Variants in GABRG1 observed in about 807,000 individuals in gnomAD.
The protein encoded by GABRG1 is gamma-aminobutyric acid receptor subunit gamma-1.
Under a neutral mutation model 49.8 loss-of-function variants are expected in GABRG1, and 49 were observed. The ratio of observed to expected loss-of-function variants is 0.98; its 90% CI spans 0.78 to 1.25. The LOEUF (loss-of-function observed/expected upper bound fraction) is 1.25. Among genes scored for constraint, GABRG1 ranks in the 50% most tolerant of loss-of-function variants. The pLI is 0.00. For missense variants in GABRG1, 552 were observed against 552.3 expected (o/e 1.00, Z 0.01); for synonymous variants, 232 against 185.1 (o/e 1.25, Z -2.06).
At chr4:46,068,424 C>A (rs1718995120) in intron 3 of GABRG1, among the ~76,000 whole-genome samples, 1 of 152,106 alleles carries the variant, frequency 6.6e-6, no homozygotes, top group African/African-American at 2.4e-5. Flanking sequence ...GCTGTCAATA[C>A]TGCTTAGCAG....
At chr4:46,084,750 A>G (rs927700858) in intron 2 of GABRG1, among the ~76,000 whole-genome samples, 1 of 151,688 alleles carries the variant, frequency 6.6e-6, no homozygotes, top group African/African-American at 2.4e-5. Flanking sequence ...AGACCTACAC[A>G]ATACTTGAAA....
At chr4:46,099,819 T>C (rs1720315849) in intron 1 of GABRG1, among the ~76,000 whole-genome samples, 1 of 151,646 alleles carries the variant, frequency 6.6e-6, no homozygotes, top group East Asian at 1.9e-4. Flanking sequence ...TATTATTATA[T>C]TCCCTTACTT....
At chr4:46,097,454 G>A (rs569990226) in intron 1 of GABRG1, 105 bp from the exon 2 acceptor site, 6 of 1,085,846 alleles carry the variant, frequency 5.5e-6, no homozygotes, top group Admixed American at 5.4e-5. Flanking sequence ...AATAATGGCA[G>A]ACAAAAAGGT....
At position 46,040,977 on chromosome 4, in the gene GABRG1, T is replaced by C. The variant is rs1717749698; in HGVS notation, c.*11A>G. On this transcript the variant is annotated 3_prime_UTR_variant, in exon 9 of 9. Transcript: ENST00000295452. ...TCAGACTTCTTTTGATTTTTGCTTA[T>C]GAAGTAGATTTTATAAGTAAAGATA... 2.5e-6 allele frequency: 4 copies of C among 1,599,438 alleles called. No homozygotes were observed. Among genetic ancestry groups the C allele is most frequent in the South Asian group, 1.1e-5 (1 of 88,980 alleles).
rs138580603 is a variant in GABRG1 at position 46,082,100 on chromosome 4, A to T, written c.321+1886T>A. 2.6e-5 allele frequency among the ~76,000 whole-genome samples: 4 copies of T among 151,888 alleles called. No individual in the cohort carries two copies. The East Asian group carries it at 7.7e-4, about 29-fold the overall frequency. On this transcript the variant is annotated intron_variant, in intron 3 of 8. Transcript: ENST00000295452. ...CATTCCATGGGATCCAGTAGTTTGA[A>T]CTCACAGAAATGGGATTATTAGCGT...
intron 5 of GABRG1, among the ~76,000 whole-genome samples, chr4:46,061,965 T>C (rs1305879549): frequency 6.6e-6 from 1 of 151,426 alleles, no homozygotes; most frequent in African/African-American, 2.4e-5. Flanking sequence ...CATGCTGGTG[T>C]GCTGCACCCA....
At position 46,065,368 on chromosome 4, in the gene GABRG1, G is replaced by C. The variant is rs1718869652; in HGVS notation, c.538C>G (p.Leu180Val). ...AGATTTTTAAACCAATATTACCTTA[G>C]AGTATACAGAACTCGTCCATCATTC... ...IWNDGRVLYT[L>V]RLTINAECYL... Residue 180 changes from leucine (L) to valine (V), a missense_variant, in exon 4 of 9, where the codon CTA becomes GTA. Coordinates refer to ENST00000295452, the MANE Select transcript of GABRG1 (RefSeq NM_173536.4). 6.4e-7 allele frequency: 1 copy of C among 1,565,434 alleles called. No homozygotes were observed. The highest frequency in any genetic ancestry group is 1.4e-5 in the African/African-American group (1 of 73,830).
At chr4:46,091,206 A>ATGGT (rs1465902650) in intron 2 of GABRG1, among the ~76,000 whole-genome samples, 1 of 152,072 alleles carries the variant, frequency 6.6e-6, no homozygotes, top group African/African-American at 2.4e-5. Flanking sequence ...GACATCTCAA[A>ATGGT]TGGTTGGTCT....
intron 2 of GABRG1, among the ~76,000 whole-genome samples, chr4:46,091,988 A>T (rs1720006681): frequency 6.6e-6 from 1 of 152,100 alleles, no homozygotes; most frequent in African/African-American, 2.4e-5. Flanking sequence ...ACTTTTCAAC[A>T]GAAATAGTAA....
intron 1 of GABRG1, among the ~76,000 whole-genome samples, chr4:46,099,616 A>G (rs532779159): frequency 6.6e-6 from 1 of 151,790 alleles, no homozygotes; most frequent in East Asian, 2.0e-4. Context: ...TACTATTCCA[A>G]ATCTCACCAG....
At chr4:46,103,126 G>A (rs904401156) in intron 1 of GABRG1, among the ~76,000 whole-genome samples, 3 of 151,450 alleles carry the variant, frequency 2.0e-5, no homozygotes, top group African/African-American at 4.8e-5. Flanking sequence ...GTTCTGACAC[G>A]GGAGGGAGCT....
At chr4:46,044,632 G>T (rs938321232) in intron 8 of GABRG1, among the ~76,000 whole-genome samples, 12 of 152,052 alleles carry the variant, frequency 7.9e-5, no homozygotes, top group Non-Finnish European at 1.5e-4. Flanking sequence ...ATCTCAGAAA[G>T]GCTCAGTAAA....
chr4:46,051,548 A>G lies in GABRG1; in HGVS notation c.1007T>C (p.Phe336Ser). The G allele has an allele frequency of 6.2e-7, 1 of 1,611,876 alleles. No homozygotes were observed. The highest frequency in any genetic ancestry group is 1.3e-5 in the African/African-American group (1 of 74,906). Residue 336 changes from phenylalanine to serine, a missense_variant, in exon 8 of 9, where the codon TTT becomes TCT. Phe to Ser is a radical substitution (Grantham distance 155). Coordinates refer to ENST00000295452, the MANE Select transcript of GABRG1 (RefSeq NM_173536.4). ...AACAAAAATGAAACAAACAGAAACAAAGAGATCCATCGCAGTCACATAAGA... is the reference window on the plus strand; with the variant it reads ...AACAAAAATGAAACAAACAGAAACAGAGAGATCCATCGCAGTCACATAAGA... ...KVSYVTAMDL[F>S]VSVCFIFVFA...
At chr4:46,047,158 T>C (rs10025059) in intron 8 of GABRG1, among the ~76,000 whole-genome samples, 76,139 of 151,590 alleles carry the variant, frequency 0.5, 19,645 homozygotes, top group African/African-American at 0.62. Flanking sequence ...ACTAAGATAC[T>C]GAATATTATA....
At chr4:46,066,752 G>A (rs186743003) in intron 3 of GABRG1, among the ~76,000 whole-genome samples, 3 of 152,004 alleles carry the variant, frequency 2.0e-5, no homozygotes, top group African/African-American at 7.2e-5. Context: ...CAAAATGTCT[G>A]CCATATTACA....
chr4:46,063,570 A>G (rs889450610), intron 5 of GABRG1, among the ~76,000 whole-genome samples: 4 of 152,208 alleles, frequency 2.6e-5, no homozygotes, highest in African/African-American at 7.2e-5. Context: ...CTAAAACCAT[A>G]AAAACCCTAG....
At chr4:46,101,867 TTTAA>T (rs1720391780) in intron 1 of GABRG1, among the ~76,000 whole-genome samples, 2 of 151,824 alleles carry the variant, frequency 1.3e-5, no homozygotes, top group South Asian at 2.1e-4. Flanking sequence ...AACAGTTTGC[TTTAA>T]TTGTCATCTA....
chr4:46,104,854 A>G (rs961810189), intron 1 of GABRG1, among the ~76,000 whole-genome samples: 1 of 151,516 alleles, frequency 6.6e-6, no homozygotes, highest in Non-Finnish European at 1.5e-5. Flanking sequence ...CTTAAGTATT[A>G]GTATTAATCT....
At chr4:46,056,735 C>A (rs984537655) in intron 7 of GABRG1, among the ~76,000 whole-genome samples, 5 of 151,950 alleles carry the variant, frequency 3.3e-5, no homozygotes, top group Non-Finnish European at 1.5e-5. Context: ...TAGAAAAATG[C>A]AAGGTTGAGT....
Sources: allele counts gnomAD v4.1 joint callset (sites outside exome capture counted in the v4.1 genomes callset), GRCh38; gene constraint gnomAD v4.1.1; transcripts MANE v1.5; gene names NCBI Gene and HGNC (gene_info 2026-07-23, HGNC 2026-07-21).